The following ELN variants were observed in gnomAD, a reference collection of about 807,000 sequenced individuals.
ELN encodes elastin.
A neutral mutation model predicts 105.8 loss-of-function variants in ELN; 65 were observed. The ratio of observed to expected loss-of-function variants is 0.61; its 90% CI spans 0.50 to 0.75. The LOEUF (loss-of-function observed/expected upper bound fraction) is 0.75. Among genes scored for constraint, ELN ranks in the 30% least tolerant of loss-of-function variants. The probability of loss-of-function intolerance (pLI) is 0.00; values close to 1 mark genes in which losing one functional copy is unlikely to be tolerated. For synonymous variants in ELN, 368 were observed against 389.2 expected (o/e 0.95, Z 0.64); for missense variants, 882 against 969.4 (o/e 0.91, Z 1.20).
chr7:74,061,811 C>A (rs1464703695), intron 26 of ELN, among the ~76,000 whole-genome samples: 4 of 152,158 alleles, frequency 2.6e-5, no homozygotes, highest in African/African-American at 9.7e-5. Flanking sequence ...GGAGGCAATT[C>A]CACCATCCCT....
In ELN at chr7:74,061,155, A is replaced by T; in HGVS notation, c.1786+16A>T. 3 of 1,614,038 alleles carry T rather than the reference A, an allele frequency of 1.9e-6. No individual in the cohort carries two copies. The highest frequency in any genetic ancestry group is 2.5e-6 in the Non-Finnish European group (3 of 1,180,008). Reference sequence around the variant, plus strand: ...GCCAAATATGGTGAGTGCACCCCACAACCACTTGTGGCTCCCTTGCCACCA... The same window carrying T: ...GCCAAATATGGTGAGTGCACCCCACTACCACTTGTGGCTCCCTTGCCACCA... On this transcript the variant is annotated intron_variant, in intron 26 of 32. Transcript: ENST00000252034.
At position 74,066,040 on chromosome 7, in the gene ELN, C is replaced by T. The variant is rs201709777; in HGVS notation, c.2086+43C>T. 425 of 1,613,358 alleles carry T rather than the reference C, an allele frequency of 2.6e-4. No individual in the cohort carries two copies. The African/African-American group carries it at 4.9e-3, about 19-fold the overall frequency. ...TGCTACGTAGTCCTCAGCTCTGTCC[C>T]GATCTAGAGGGGGCCTGTCCATCTA... On this transcript the variant is annotated intron_variant, in intron 31 of 32. Coordinates refer to ENST00000252034, the MANE Select transcript of ELN (RefSeq NM_000501.4).
Position 74,052,275 on chromosome 7 carries a change from A to G in ELN, c.949+292A>G, listed in dbSNP as rs1583863249. The G allele has an allele frequency of 2.0e-5, 10 of 494,186 alleles. No homozygotes were observed. The East Asian group carries it at 3.7e-4, about 18-fold the overall frequency. The allele number at this position is 494,186 out of a possible 1,614,324, so 30.6% of individuals were successfully genotyped here. On this transcript the variant is annotated intron_variant, in intron 17 of 32. Coordinates refer to ENST00000252034, the MANE Select transcript of ELN (RefSeq NM_000501.4). ...TGCTGCATCAACTAAATGGGTGCCC[A>G]GTGGTGAGAATTCTGACTGTGCTTT... is the stretch of plus-strand genomic sequence containing the variant.
intron 6 of ELN, 98 bp from the exon 7 acceptor site, chr7:74,042,886 G>A: frequency 2.5e-6 from 4 of 1,602,300 alleles, no homozygotes; most frequent in South Asian, 1.1e-5. Context: ...GTTAGTAACG[G>A]GGCCAGACCT....
At chr7:74,065,474 CGTG>C (rs1162741089) in intron 29 of ELN, among the ~76,000 whole-genome samples, 1 of 151,252 alleles carries the variant, frequency 6.6e-6, no homozygotes, top group Non-Finnish European at 1.5e-5. Context: ...ATTAGCCAGG[CGTG>C]GTGGTGGGTG....
In ELN at chr7:74,041,342, G is replaced by C. The variant is rs1378529862; in HGVS notation, c.232+91G>C. ...GGTATGCAGCACGGTCATGGAACAA[G>C]GGTGCAGGCCAGGTTCCGTCCTGGG... is the stretch of plus-strand genomic sequence containing the variant. On this transcript the variant is annotated intron_variant, in intron 5 of 32. Coordinates refer to ENST00000252034, the MANE Select transcript of ELN (RefSeq NM_000501.4). 4 of 1,544,934 alleles carry C rather than the reference G, an allele frequency of 2.6e-6. No individual in the cohort carries two copies. The African/African-American group carries it at 5.4e-5, about 21-fold the overall frequency.
rs572232855 is a variant in ELN at position 74,059,438 on chromosome 7, T to A, written c.1415-448T>A. On this transcript the variant is annotated intron_variant, in intron 22 of 32. Transcript: ENST00000252034. The stretch of plus-strand genomic sequence containing the variant: ...AGCTCACAACTATAATCCCAGAACT[T>A]TGGGAGGCCAAGTCGGGTGGATCAC... 14 of 256,306 alleles carry A rather than the reference T, an allele frequency of 5.5e-5. No homozygotes were observed. The East Asian group carries it at 1.0e-3, about 19-fold the overall frequency. The allele number at this position is 256,306 out of a possible 1,614,324, so 15.9% of individuals were successfully genotyped here. A position where few individuals can be genotyped will look rare whatever the true frequency, so the allele number is the denominator to read the frequency against.
rs1554673918 is a variant in ELN at position 74,048,497 on chromosome 7, C to T, written c.746-6C>T. On this transcript the variant is annotated splice_polypyrimidine_tract_variant and splice_region_variant and intron_variant, in intron 14 of 32. Transcript: ENST00000252034. ...AAGGTCTCTCCCCTCTGCTTCCTTC[C>T]CCCAGGGGTTGGCCCCCAGGCAGCA... 6.2e-7 allele frequency: 1 copy of T among 1,613,904 alleles called. No individual in the cohort carries two copies. The highest frequency in any genetic ancestry group is 1.3e-5 in the African/African-American group (1 of 74,858).
intron 12 of ELN, among the ~76,000 whole-genome samples, chr7:74,047,350 C>G (rs1792817907): frequency 6.6e-6 from 1 of 152,216 alleles, no homozygotes; most frequent in Admixed American, 6.5e-5. Context: ...TAACATCCAC[C>G]CACTCGTGCT....
chr7:74,066,622 G>A, intron 31 of ELN, 110 bp from the exon 32 acceptor site: 1 of 933,630 alleles, frequency 1.1e-6, no homozygotes, highest in Non-Finnish European at 1.8e-6. Context: ...GGGATGGAGA[G>A]GAGGTGATCC....
chr7:74,031,782 A>G (rs1420131038), intron 1 of ELN, among the ~76,000 whole-genome samples: 1 of 149,880 alleles, frequency 6.7e-6, no homozygotes, highest in Non-Finnish European at 1.5e-5. Flanking sequence ...ATTTAAAAAG[A>G]AAGAAAAAGA....
At chr7:74,061,069 C>G in intron 25 of ELN, 32 bp from the exon 26 acceptor site, 1 of 1,614,084 alleles carries the variant, frequency 6.2e-7, no homozygotes, top group Non-Finnish European at 8.5e-7. Flanking sequence ...AGCTCGGCTC[C>G]TGACCACTCC....
intron 18 of ELN, 117 bp downstream of exon 18, chr7:74,053,426 C>T (rs782384307): frequency 2.9e-5 from 45 of 1,531,976 alleles, no homozygotes; most frequent in Non-Finnish European, 3.9e-5. Flanking sequence ...AACCATCTGC[C>T]CATACCCTTG....
At chr7:74,056,617 G>A (rs1164688150) in intron 20 of ELN, 55 bp from the exon 21 acceptor site, 19 of 1,613,186 alleles carry the variant, frequency 1.2e-5, no homozygotes, top group South Asian at 2.2e-5. Flanking sequence ...AACACGGCTC[G>A]GAGGAGACCC....
rs782630866 is a variant in ELN at position 74,056,420 on chromosome 7, G to A, written c.1300G>A (p.Gly434Arg). 2.5e-6 allele frequency: 4 copies of A among 1,613,756 alleles called. No individual in the cohort carries two copies. Among genetic ancestry groups the A allele is most frequent in the Middle Eastern group, 1.7e-4 (1 of 6,046 alleles). Residue 434 changes from glycine to arginine, a missense_variant, in exon 20 of 33, where the codon GGA becomes AGA. Transcript: ENST00000252034. ...TGTTCCCGGAGTCGGAGGTGTCCCGGGAGTTGGCATTTCCCGTGAGCCTTA... is the reference window on the plus strand; with the variant it reads ...TGTTCCCGGAGTCGGAGGTGTCCCGAGAGTTGGCATTTCCCGTGAGCCTTA... The part of the protein sequence containing the change: ...GGVPGVGGVP[G>R]VGISPEAQAA...
intron 4 of ELN, 29 bp from the exon 5 acceptor site, chr7:74,041,187 A>G (rs1554668186): frequency 1.2e-6 from 2 of 1,613,910 alleles, no homozygotes; most frequent in South Asian, 1.1e-5. Flanking sequence ...AACACTGCCT[A>G]CACTCCTGTC....
chr7:74,044,491 C>A (rs1004466338), intron 9 of ELN, among the ~76,000 whole-genome samples: 1 of 152,164 alleles, frequency 6.6e-6, no homozygotes, highest in Non-Finnish European at 1.5e-5. Context: ...CAGCCCGAGG[C>A]GGGCCCCCGA....
At chr7:74,041,098 A>G (rs1466572373) in intron 4 of ELN, 118 bp from the exon 5 acceptor site, 3 of 1,328,770 alleles carry the variant, frequency 2.3e-6, no homozygotes, top group South Asian at 1.2e-5. Context: ...TCACAGGCTT[A>G]GGGACCAGCC....
chr7:74,066,664 C>G (rs1187434553), intron 31 of ELN, 68 bp from the exon 32 acceptor site: 23 of 1,537,304 alleles, frequency 1.5e-5, no homozygotes, highest in Middle Eastern at 1.7e-4. Flanking sequence ...CCAGTGCAGG[C>G]AGAAAGTGAT....
Sources: gnomAD v4.1 joint callset for allele counts (sites outside exome capture counted in the v4.1 genomes callset) on GRCh38, gnomAD v4.1.1 for gene constraint, MANE v1.5 for transcripts, NCBI Gene and HGNC (gene_info 2026-07-23, HGNC 2026-07-21) for gene names.